The following CPLANE1 variants were observed in gnomAD, a reference collection of about 807,000 sequenced individuals.
CPLANE1 encodes the protein ciliogenesis and planar polarity effector 1.
A neutral mutation model predicts 362.5 loss-of-function variants in CPLANE1; 263 were observed. That is an observed-to-expected ratio of 0.73 (90% CI 0.66 to 0.80). The LOEUF (loss-of-function observed/expected upper bound fraction) is 0.80. Ranked by LOEUF, CPLANE1 falls within the 30% of genes least tolerant of loss-of-function variation. CPLANE1 has a pLI of 0.00. For synonymous variants in CPLANE1, 1,212 were observed against 1,302.6 expected, an observed-to-expected ratio of 0.93 and a Z score of 1.50; for missense variants, 3,461 against 3,793.4, an observed-to-expected ratio of 0.91 and a Z score of 2.30.
At position 37,202,779 on chromosome 5, in the gene CPLANE1, TTAGG is replaced by T. The variant is rs1325912042; in HGVS notation, c.3290-975_3290-972del. ...TATTAACATTTTTGCTATATTCAAC[TTAGG>T]TAGCCACTATCCAGCATTTGGTGTG... is the stretch of plus-strand genomic sequence containing the variant. On this transcript the variant is annotated intron_variant, in intron 18 of 52. Coordinates refer to ENST00000651892, the MANE Select transcript of CPLANE1 (RefSeq NM_001384732.1). Among the ~76,000 whole-genome samples the T allele has an allele frequency of 3.9e-5, 6 of 152,264 alleles. No individual in the cohort carries two copies. The South Asian group carries it at 1.0e-3, about 26-fold the overall frequency.
chr5:37,208,109 C>T (rs895020487), intron 16 of CPLANE1, among the ~76,000 whole-genome samples: 2 of 152,102 alleles, frequency 1.3e-5, no homozygotes, highest in South Asian at 2.1e-4. Context: ...GTCACCATGG[C>T]GGGCTAATTT....
chr5:37,085,364 C>T, the CPLANE1 span: 2 of 1,349,156 alleles, frequency 1.5e-6, no homozygotes, highest in Admixed American at 1.7e-5. Flanking sequence ...TGATCTATGA[C>T]ACCAAGGGTC....
rs1433939641 is a variant in CPLANE1, at chr5:37,108,416, C to T, written c.9456G>A (p.Gly3152=). The change falls in exon 52 of 53, where the codon GGG becomes GGA. Residue 3152 remains glycine (G), a synonymous_variant. Transcript: ENST00000651892. ...ACACCTGCTTGGTTTGAGGTGCAAG[C>T]CCAGCACTTCCATGTTTTTTTGTAT... ...LQHTKKHGSA[G]LAPQTKQVCV... The T allele has an allele frequency of 6.2e-7, 1 of 1,614,174 alleles. No individual in the cohort carries two copies. The highest frequency in any genetic ancestry group is 8.5e-7 in the Non-Finnish European group (1 of 1,180,012).
chr5:37,197,324 T>C (rs1787816057), intron 20 of CPLANE1, among the ~76,000 whole-genome samples: 2 of 152,174 alleles, frequency 1.3e-5, no homozygotes, highest in Admixed American at 1.3e-4. Context: ...TCAAATCTCC[T>C]GGGAAGCATG....
intron 51 of CPLANE1, among the ~76,000 whole-genome samples, chr5:37,114,541 G>A (rs1271707483): frequency 3.3e-5 from 5 of 152,204 alleles, no homozygotes; most frequent in Admixed American, 1.3e-4. Flanking sequence ...CCACTGCAGC[G>A]CAGAGCCACA....
chr5:37,238,858 TA>T lies in CPLANE1; in HGVS notation c.936del (p.Arg313GlyfsTer5). On this transcript the variant is annotated frameshift_variant and splice_region_variant, in exon 8 of 53. Transcript: ENST00000651892. ...NKSPVVPATL[I>X]RSYWVGDISW... Reference sequence around the variant, plus strand: ...AAAGACAGACAAAAGAGTTCTTACCTAATAAGTGTAGCTGGAACCACGGGAC... The same window carrying T: ...AAAGACAGACAAAAGAGTTCTTACCTATAAGTGTAGCTGGAACCACGGGAC... 1.4e-6 allele frequency: 2 copies of T among 1,480,906 alleles called. No homozygotes were observed. The highest frequency in any genetic ancestry group is 2.9e-5 in the African/African-American group (2 of 70,070). The allele number at this position is 1,480,906 out of a possible 1,614,324, so 91.7% of individuals were successfully genotyped here. A position where few individuals can be genotyped will look rare whatever the true frequency, so the allele number is the denominator to read the frequency against.
At chr5:37,240,227 G>A (rs1800049859) in intron 6 of CPLANE1, among the ~76,000 whole-genome samples, 1 of 152,168 alleles carries the variant, frequency 6.6e-6, no homozygotes, top group Admixed American at 6.5e-5. Flanking sequence ...GAGTGCACCT[G>A]TAATCCAAGC....
chr5:37,247,863 T>G, intron 1 of CPLANE1, 118 bp from the exon 2 acceptor site: 7 of 659,998 alleles, frequency 1.1e-5, no homozygotes, highest in Non-Finnish European at 1.6e-5. Context: ...AGTGATATGA[T>G]CTCAGCTCAC....
At chr5:37,216,004 T>TTTGTA (rs1261256739) in intron 15 of CPLANE1, among the ~76,000 whole-genome samples, 2 of 151,986 alleles carry the variant, frequency 1.3e-5, no homozygotes, top group Middle Eastern at 3.4e-3. Context: ...GCTAATTTTT[T>TTTGTA]TTGTATTTTT....
chr5:37,210,598 C>T, intron 16 of CPLANE1: 1 of 1,592,796 alleles, frequency 6.3e-7, no homozygotes, highest in South Asian at 1.1e-5. Context: ...GAATTAGAGT[C>T]TGTCAAAGCC....
In CPLANE1 at chr5:37,195,923, A is replaced by T. The variant is rs1447664633; in HGVS notation, c.3746T>A (p.Ile1249Asn). ...AGCTGCTCCAGGTCTAAAAAATGCGATACCTCCTTTACAGTAATTAAGTAA... is the reference window on the plus strand; with the variant it reads ...AGCTGCTCCAGGTCTAAAAAATGCGTTACCTCCTTTACAGTAATTAAGTAA... ...QSLLNYCKGG[I>N]AFFRPGAAGD... Residue 1249 changes from isoleucine to asparagine, a missense_variant, in exon 21 of 53, where the codon ATC (isoleucine) becomes AAC (asparagine). Physicochemically the swap from Ile to Asn is moderately radical, Grantham distance 149 (BLOSUM62 -3). Around this residue, in one of 2 missense-constraint regions of CPLANE1, gnomAD observed 3,380 missense variants for 3,666.1 expected, o/e 0.92. Coordinates refer to ENST00000651892, the MANE Select transcript of CPLANE1 (RefSeq NM_001384732.1). The T allele has an allele frequency of 6.2e-7, 1 of 1,613,344 alleles. No individual in the cohort carries two copies. Among genetic ancestry groups the T allele is most frequent in the Non-Finnish European group, 8.5e-7 (1 of 1,179,744 alleles).
At chr5:37,100,654 G>A in the CPLANE1 span, among the ~76,000 whole-genome samples, 1 of 152,204 alleles carries the variant, frequency 6.6e-6, no homozygotes, top group African/African-American at 2.4e-5. Flanking sequence ...TGTGAAGAAT[G>A]TCAATGGTAG....
intron 17 of CPLANE1, among the ~76,000 whole-genome samples, chr5:37,205,740 G>T (rs1790527995): frequency 6.6e-6 from 1 of 152,066 alleles, no homozygotes; most frequent in African/African-American, 2.4e-5. Flanking sequence ...TTGAGACAGG[G>T]TCTCACTCTG....
chr5:37,134,248 G>A (rs1766874684), intron 46 of CPLANE1, among the ~76,000 whole-genome samples: 1 of 152,136 alleles, frequency 6.6e-6, no homozygotes. Context: ...GCAGAATTTG[G>A]CTGTGAATCC....
Position 37,209,697 on chromosome 5 carries a change from T to C in CPLANE1, c.2921-3272A>G, listed in dbSNP as rs928395940. 9.6e-6 allele frequency: 12 copies of C among 1,249,020 alleles called. No homozygotes were observed. The African/African-American group carries it at 1.3e-4, about 14-fold the overall frequency. The allele number at this position is 1,249,020 out of a possible 1,614,324, so 77.4% of individuals were successfully genotyped here. A position where few individuals can be genotyped will look rare whatever the true frequency, so the allele number is the denominator to read the frequency against. On this transcript the variant is annotated intron_variant, in intron 16 of 52. Coordinates refer to ENST00000651892, the MANE Select transcript of CPLANE1 (RefSeq NM_001384732.1). This position sits in a 1 kb window ranked among gnomAD's most constrained non-coding sequence, Gnocchi z 4.6. ...AAAGGTATTTACTATGCAGGATCTATTACAACTCATTAAAATCAACCCTAC... is the reference window on the plus strand; with the variant it reads ...AAAGGTATTTACTATGCAGGATCTACTACAACTCATTAAAATCAACCCTAC...
chr5:37,219,740 T>A (rs1452798096), intron 15 of CPLANE1, among the ~76,000 whole-genome samples: 3 of 152,174 alleles, frequency 2.0e-5, no homozygotes, highest in Non-Finnish European at 4.4e-5. Context: ...TAGATTTTTT[T>A]AAGTTTATTG....
At position 37,227,557 on chromosome 5, in the gene CPLANE1, A is replaced by G. The variant is rs888769178; in HGVS notation, c.1371+11T>C. ...GGCAACTTTCCCCAATGATATAAAA[A>G]AGCACTATACCTTAGACAATATCAC... On this transcript the variant is annotated intron_variant, in intron 10 of 52. Coordinates refer to ENST00000651892, the MANE Select transcript of CPLANE1 (RefSeq NM_001384732.1). 15 of 1,517,902 alleles carry G rather than the reference A, an allele frequency of 9.9e-6. No individual in the cohort carries two copies. The highest frequency in any genetic ancestry group is 1.2e-5 in the Non-Finnish European group (14 of 1,134,656). The allele number at this position is 1,517,902 out of a possible 1,614,324, so 94.0% of individuals were successfully genotyped here. A position where few individuals can be genotyped will look rare whatever the true frequency, so the allele number is the denominator to read the frequency against.
chr5:37,097,342 T>A, the CPLANE1 span, among the ~76,000 whole-genome samples: 12 of 151,208 alleles, frequency 7.9e-5, no homozygotes, highest in African/African-American at 2.9e-4. Flanking sequence ...AAAAAAACCA[T>A]GAAAAAGAAC....
the CPLANE1 span, chr5:37,085,912 T>C: frequency 3.8e-5 from 28 of 744,582 alleles, no homozygotes; most frequent in Admixed American, 1.8e-4. Context: ...GTGGCAGGAA[T>C]TAATAGGAAA....
Sources: allele counts gnomAD v4.1 joint callset (sites outside exome capture counted in the v4.1 genomes callset), GRCh38; gene constraint gnomAD v4.1.1; regional missense constraint gnomAD v4.1.1; non-coding constraint Gnocchi (gnomAD v3.1); transcripts MANE v1.5; gene names NCBI Gene and HGNC (gene_info 2026-07-23, HGNC 2026-07-21).